ZC3H12B: variants seen among roughly 807,000 people sequenced by gnomAD.
ZC3H12B encodes zinc finger CCCH-type containing 12B.
Under a neutral mutation model 43.9 loss-of-function variants are expected in ZC3H12B, and 7 were observed. The observed-to-expected ratio is 0.16, with a 90% CI of 0.09 to 0.30. The LOEUF is 0.30. ZC3H12B is among the 10% of genes least tolerant of loss of function. ZC3H12B has a pLI of 1.00. For synonymous variants in ZC3H12B, 222 were observed against 241.7 expected (o/e 0.92, Z 0.76); for missense variants, 475 against 670.2 (o/e 0.71, Z 3.22).
At chrX:65,400,673 A>T (rs768621937) in intron 3 of ZC3H12B, among the ~76,000 whole-genome samples, 2 of 111,636 alleles carry the variant, frequency 1.8e-5, no homozygotes, top group Admixed American at 1.9e-4. Flanking sequence ...ACTGAATTAT[A>T]CTCCTAAAAG....
At chrX:65,447,293 A>G (rs1381755371) in intron 3 of ZC3H12B, among the ~76,000 whole-genome samples, 2 of 111,545 alleles carry the variant, frequency 1.8e-5, no homozygotes, top group African/African-American at 3.3e-5. Context: ...TTTCTGTTTG[A>G]TCAAGTCTGT....
chrX:65,157,537 T>C, the ZC3H12B span, among the ~76,000 whole-genome samples: 1 of 111,652 alleles, frequency 9.0e-6, no homozygotes, highest in African/African-American at 3.2e-5. Flanking sequence ...TCAGCTAGTA[T>C]TTACCTAGTA....
the ZC3H12B span, among the ~76,000 whole-genome samples, chrX:65,151,762 G>A: frequency 3.6e-5 from 4 of 111,177 alleles, no homozygotes; most frequent in South Asian, 7.7e-4. Flanking sequence ...ACCAAAGCCG[G>A]GCACAGACAC....
the ZC3H12B span, among the ~76,000 whole-genome samples, chrX:65,212,621 AATAT>A: frequency 6.0e-5 from 5 of 83,983 alleles, no homozygotes; most frequent in Non-Finnish European, 2.2e-5. Context: ...TATGATATAT[AATAT>A]ATATAAATAT....
chrX:65,247,523 G>A, the ZC3H12B span, among the ~76,000 whole-genome samples: 2 of 112,833 alleles, frequency 1.8e-5, no homozygotes, highest in East Asian at 5.6e-4. Context: ...TTAAGAATAC[G>A]TGGTTCATAT....
At chrX:65,172,236 T>C in the ZC3H12B span, among the ~76,000 whole-genome samples, 1 of 112,787 alleles carries the variant, frequency 8.9e-6, no homozygotes, top group African/African-American at 3.2e-5. Context: ...AATGTTTTCT[T>C]TTAAGAAGTG....
At position 65,375,436 on chromosome X, in the gene ZC3H12B, T is replaced by C. The variant is rs2066332858; in HGVS notation, n.295+6438T>C. 2.7e-5 allele frequency among the ~76,000 whole-genome samples: 3 copies of C among 112,291 alleles called. No homozygotes were observed. The South Asian group carries it at 1.1e-3, about 41-fold the overall frequency. ...AAAGAGCCAGTACACATTGGGGGAA[T>C]GTGACCTGCTGAGACACCAGCCATA... On this transcript the variant is annotated intron_variant and non_coding_transcript_variant, in intron 2 of 5. Coordinates refer to the ZC3H12B transcript ENST00000617377.
the ZC3H12B span, among the ~76,000 whole-genome samples, chrX:65,035,048 G>T: frequency 2.7e-5 from 3 of 112,226 alleles, no homozygotes; most frequent in South Asian, 3.7e-4. Context: ...GCCTCCCCTC[G>T]TCCCTCCACG....
intron 3 of ZC3H12B, among the ~76,000 whole-genome samples, chrX:65,434,114 G>T (rs1263164405): frequency 9.0e-6 from 1 of 111,420 alleles, no homozygotes; most frequent in Non-Finnish European, 1.9e-5. Flanking sequence ...GCTGCTACTT[G>T]GCTCCTGCCT....
At chrX:65,376,508 A>G (rs1213115898) in intron 2 of ZC3H12B, among the ~76,000 whole-genome samples, 1 of 111,674 alleles carries the variant, frequency 9.0e-6, no homozygotes, top group Non-Finnish European at 1.9e-5. Context: ...CCCAGCACAT[A>G]TCCAGTGGTG....
At chrX:65,311,503 G>A in the ZC3H12B span, among the ~76,000 whole-genome samples, 12 of 111,934 alleles carry the variant, frequency 1.1e-4, no homozygotes, top group African/African-American at 3.9e-4. Context: ...AACAGGTGCT[G>A]GAGAGAATCT....
At chrX:65,090,278 C>T in the ZC3H12B span, among the ~76,000 whole-genome samples, 10 of 111,165 alleles carry the variant, frequency 9.0e-5, no homozygotes, top group Non-Finnish European at 1.7e-4. Context: ...TATTGGACCA[C>T]CTTTGTGTAT....
At chrX:65,132,103 G>T in the ZC3H12B span, among the ~76,000 whole-genome samples, 18 of 111,181 alleles carry the variant, frequency 1.6e-4, no homozygotes, top group African/African-American at 5.6e-4. Context: ...TGGGATGAGG[G>T]GTGTAGGGGA....
chrX:65,405,036 A>C (rs1398954936), intron 3 of ZC3H12B, among the ~76,000 whole-genome samples: 1 of 112,500 alleles, frequency 8.9e-6, no homozygotes, highest in Non-Finnish European at 1.9e-5. Flanking sequence ...ATTAGAAATT[A>C]ATGATAAGAT....
chrX:65,262,870 C>G, the ZC3H12B span, among the ~76,000 whole-genome samples: 1 of 110,606 alleles, frequency 9.0e-6, no homozygotes, highest in Non-Finnish European at 1.9e-5. Context: ...TCCCTCTCCA[C>G]CCCCTCTTAC....
the ZC3H12B span, among the ~76,000 whole-genome samples, chrX:65,233,954 G>T: frequency 4.5e-5 from 5 of 111,355 alleles, no homozygotes; most frequent in African/African-American, 1.6e-4. Context: ...ATTATTTAAA[G>T]AAGAACTAAT....
At chrX:65,046,973 A>G in the ZC3H12B span, among the ~76,000 whole-genome samples, 1 of 111,242 alleles carries the variant, frequency 9.0e-6, no homozygotes, top group Non-Finnish European at 1.9e-5. Context: ...TATGTTTGCC[A>G]TCTTCTATGG....
At chrX:65,506,952 CCT>C (rs759383063) in exon 5 of ZC3H12B, 264 of 106,523 alleles carry the variant, frequency 2.5e-3, no homozygotes, top group East Asian at 3.8e-3. Flanking sequence ...ATTCTCTCTC[CCT>C]CTCTCTCTCT....
At chrX:65,255,854 G>A in the ZC3H12B span, among the ~76,000 whole-genome samples, 1 of 112,058 alleles carries the variant, frequency 8.9e-6, no homozygotes, top group Non-Finnish European at 1.9e-5. Context: ...TCTATGAAAT[G>A]AATGGAAAAC....
Sources: gnomAD v4.1 joint callset for allele counts (sites outside exome capture counted in the v4.1 genomes callset) on GRCh38, gnomAD v4.1.1 for gene constraint, MANE v1.5 for transcripts, NCBI Gene and HGNC (gene_info 2026-07-23, HGNC 2026-07-21) for gene names.